The following CCDC3 variants were observed in gnomAD, a reference collection of about 807,000 sequenced individuals.
CCDC3 encodes the protein coiled-coil domain containing 3, also known as coiled-coil domain-containing protein 3.
A neutral mutation model predicts 21.4 loss-of-function variants in CCDC3; 24 were observed. That is an observed-to-expected ratio of 1.12 (90% CI 0.81 to 1.58). The LOEUF (loss-of-function observed/expected upper bound fraction) is 1.58. Ranked by LOEUF, CCDC3 falls within the 40% of genes most tolerant of loss-of-function variation. The probability of loss-of-function intolerance (pLI) is 0.00; values close to 1 mark genes in which losing one functional copy is unlikely to be tolerated. For synonymous variants in CCDC3, 186 were observed against 166.0 expected, an observed-to-expected ratio of 1.12 and a Z score of -0.93; for missense variants, 425 against 360.9, an observed-to-expected ratio of 1.18 and a Z score of -1.44.
intron 2 of CCDC3, among the ~76,000 whole-genome samples, chr10:12,950,011 G>C (rs1834984290): frequency 6.6e-6 from 1 of 152,172 alleles, no homozygotes; most frequent in Admixed American, 6.5e-5. Flanking sequence ...GGTGCCACCT[G>C]TCACATCCAA....
At chr10:12,947,771 TG>T (rs1431261292) in intron 2 of CCDC3, among the ~76,000 whole-genome samples, 3 of 152,210 alleles carry the variant, frequency 2.0e-5, no homozygotes, top group Admixed American at 1.3e-4. Flanking sequence ...TATGAAGAGA[TG>T]AGTTAGAGGA....
intron 2 of CCDC3, among the ~76,000 whole-genome samples, chr10:12,929,704 A>C (rs562946518): frequency 6.6e-6 from 1 of 152,310 alleles, no homozygotes; most frequent in South Asian, 2.1e-4. Flanking sequence ...ACAGGCCCCA[A>C]AGCCGAGCCC....
Position 13,090,068 on chromosome 10 carries a change from T to G in CCDC3, c.-503+8457A>C, listed in dbSNP as rs1832546021. ...ATATATATATATATATATATATATA[T>G]ATATATATATCACCGTTTCTTTCTT... On this transcript the variant is annotated intron_variant, in intron 3 of 6. Transcript: ENST00000378839. 2.6e-5 allele frequency among the ~76,000 whole-genome samples: 3 copies of G among 117,564 alleles called. 1 individual carries two copies. Among genetic ancestry groups the G allele is most frequent in the Non-Finnish European group, 5.8e-5 (3 of 52,112 alleles). The allele number at this position is 117,564 out of a possible 152,430, so 77.1% of individuals were successfully genotyped here.
At chr10:12,903,460 C>T (rs1214680259) in intron 2 of CCDC3, among the ~76,000 whole-genome samples, 1 of 152,214 alleles carries the variant, frequency 6.6e-6, no homozygotes, top group East Asian at 1.9e-4. Flanking sequence ...GCTCAATTTG[C>T]TTTGTGGTAT....
At chr10:12,906,594 G>A (rs534769161) in intron 2 of CCDC3, among the ~76,000 whole-genome samples, 1 of 152,254 alleles carries the variant, frequency 6.6e-6, no homozygotes, top group South Asian at 2.1e-4. Flanking sequence ...CACACTCCAC[G>A]TACCCAGATA....
intron 5 of CCDC3, among the ~76,000 whole-genome samples, chr10:13,028,487 C>G (rs930748669): frequency 6.6e-6 from 1 of 152,026 alleles, no homozygotes; most frequent in South Asian, 2.1e-4. Flanking sequence ...ACCAGACCAC[C>G]CAGACAGCTG....
At chr10:13,089,000 A>T (rs1171923437) in intron 3 of CCDC3, among the ~76,000 whole-genome samples, 1 of 150,024 alleles carries the variant, frequency 6.7e-6, no homozygotes, top group African/African-American at 2.5e-5. Flanking sequence ...ACAGAGTGAG[A>T]CTGTCTCAAA....
intron 3 of CCDC3, among the ~76,000 whole-genome samples, chr10:13,084,391 C>T (rs1363434971): frequency 2.0e-5 from 3 of 151,282 alleles, no homozygotes; most frequent in Admixed American, 6.6e-5. Context: ...CGGGTTCAAG[C>T]GATTCTTGTG....
At chr10:13,099,893 C>A (rs1369258027), upstream of CCDC3, 1 of 152,136 alleles carries the variant, frequency 6.6e-6, no homozygotes, top group African/African-American at 2.4e-5. Context: ...AACGCCGTCA[C>A]AGTGACGCCT....
intron 2 of CCDC3, among the ~76,000 whole-genome samples, chr10:12,909,017 T>TG (rs1220707555): frequency 1.3e-5 from 2 of 152,204 alleles, no homozygotes; most frequent in Admixed American, 1.3e-4. Flanking sequence ...TCACAGTGGA[T>TG]GGGGCTCTGG....
rs145617336 is a variant in CCDC3 at position 13,096,565 on chromosome 10, C to T, written c.-503+1960G>A. Among the ~76,000 whole-genome samples, 267 of 152,238 alleles carry T rather than the reference C, an allele frequency of 1.8e-3. 1 individual carries two copies. The highest frequency in any genetic ancestry group is 3.2e-3 in the Non-Finnish European group (219 of 68,020). On this transcript the variant is annotated intron_variant, in intron 3 of 6. Transcript: ENST00000378839. The stretch of plus-strand genomic sequence containing the variant: ...TGGAGAGGGGAGGTCTCCTTCCCTA[C>T]GGCCATGCAAAACTCCAGGAGGGCT...
chr10:12,925,024 C>G (rs1346878620), intron 2 of CCDC3, among the ~76,000 whole-genome samples: 1 of 152,146 alleles, frequency 6.6e-6, no homozygotes, highest in Non-Finnish European at 1.5e-5. Context: ...GTAGATTTAA[C>G]CTGAAGTTCC....
chr10:12,909,988 AT>A (rs1453987442), intron 2 of CCDC3, among the ~76,000 whole-genome samples: 2 of 152,228 alleles, frequency 1.3e-5, no homozygotes, highest in African/African-American at 4.8e-5. Flanking sequence ...GCTCCTGGCC[AT>A]CCGCCCTCCC....
intron 5 of CCDC3, among the ~76,000 whole-genome samples, chr10:13,009,828 A>C (rs1835963870): frequency 6.6e-6 from 1 of 152,256 alleles, no homozygotes; most frequent in Non-Finnish European, 1.5e-5. Context: ...GAGTTAGACA[A>C]AACTTAGACA....
intron 4 of CCDC3, among the ~76,000 whole-genome samples, chr10:13,068,674 C>A (rs1196639469): frequency 6.6e-6 from 1 of 152,148 alleles, no homozygotes; most frequent in Non-Finnish European, 1.5e-5. Flanking sequence ...AAACCACACC[C>A]TTAATTATGC....
At chr10:13,054,721 G>A (rs554272837) in intron 4 of CCDC3, among the ~76,000 whole-genome samples, 2 of 152,192 alleles carry the variant, frequency 1.3e-5, no homozygotes, top group African/African-American at 2.4e-5. Flanking sequence ...AGGCTGGAGG[G>A]CAGTGGTGTG....
At chr10:12,973,377 G>A (rs912792641) in intron 2 of CCDC3, among the ~76,000 whole-genome samples, 1 of 152,120 alleles carries the variant, frequency 6.6e-6, no homozygotes, top group African/African-American at 2.4e-5. Flanking sequence ...GCTCTCCAGA[G>A]AGACTAACCA....
chr10:13,007,927 A>G (rs1799212382), intron 5 of CCDC3, among the ~76,000 whole-genome samples: 1 of 152,190 alleles, frequency 6.6e-6, no homozygotes, highest in African/African-American at 2.4e-5. Context: ...TGGAAGAGAC[A>G]TGCAAGATAG....
chr10:12,956,762 TC>T (rs1339019953), intron 2 of CCDC3, among the ~76,000 whole-genome samples: 11 of 152,008 alleles, frequency 7.2e-5, no homozygotes, highest in African/African-American at 2.7e-4. Context: ...GGATGTCACC[TC>T]CTCCCTCCAC....
Sources: allele counts gnomAD v4.1 joint callset (sites outside exome capture counted in the v4.1 genomes callset), GRCh38; gene constraint gnomAD v4.1.1; transcripts MANE v1.5; gene names NCBI Gene and HGNC (gene_info 2026-07-23, HGNC 2026-07-21).